STRN3: variants seen among roughly 807,000 people sequenced by gnomAD.
STRN3 encodes striatin 3.
Under a neutral mutation model 95.6 loss-of-function variants are expected in STRN3, and 29 were observed. The ratio of observed to expected loss-of-function variants is 0.30; its 90% CI spans 0.23 to 0.41. The LOEUF (loss-of-function observed/expected upper bound fraction) is 0.41. Ranked by LOEUF, STRN3 falls within the 10% of genes least tolerant of loss-of-function variation. The pLI, the probability that STRN3 is intolerant of heterozygous loss-of-function variation, is 1.00. For synonymous variants in STRN3, 331 were observed against 357.6 expected (o/e 0.93, Z 0.84); for missense variants, 890 against 972.1 (o/e 0.92, Z 1.12).
At chr14:30,898,455 A>C (rs764115631) in intron 16 of STRN3, among the ~76,000 whole-genome samples, 3 of 152,206 alleles carry the variant, frequency 2.0e-5, no homozygotes, top group Non-Finnish European at 4.4e-5. Flanking sequence ...CTGTGCACTA[A>C]ACTAACCCTC....
intron 8 of STRN3, among the ~76,000 whole-genome samples, chr14:30,925,459 G>A (rs1017601434): frequency 6.6e-6 from 1 of 152,080 alleles, no homozygotes; most frequent in Admixed American, 6.5e-5. Flanking sequence ...TTAGCAAATA[G>A]TTTTCTTCCC....
intron 1 of STRN3, among the ~76,000 whole-genome samples, chr14:30,989,168 T>C (rs2139253071): frequency 6.6e-6 from 1 of 152,316 alleles, no homozygotes; most frequent in Non-Finnish European, 1.5e-5. Flanking sequence ...TCAGTTACCT[T>C]ATTCTTTGGC....
chr14:30,958,171 G>T (rs1880013474), intron 1 of STRN3, among the ~76,000 whole-genome samples: 1 of 151,566 alleles, frequency 6.6e-6, no homozygotes, highest in Admixed American at 6.6e-5. Context: ...TAATTAGCCA[G>T]GCGTGGTAGC....
intron 1 of STRN3, among the ~76,000 whole-genome samples, chr14:30,984,262 A>T: frequency 1.4e-5 from 1 of 70,604 alleles, no homozygotes; most frequent in Non-Finnish European, 2.8e-5. Flanking sequence ...AGGATGAGGA[A>T]TTCTAAAAAA....
intron 1 of STRN3, among the ~76,000 whole-genome samples, chr14:30,984,143 C>A (rs1187520314): frequency 4.3e-5 from 6 of 138,832 alleles, no homozygotes; most frequent in East Asian, 2.2e-4. Context: ...CCCAACCCCC[C>A]CCCACACACA....
intron 1 of STRN3, among the ~76,000 whole-genome samples, chr14:31,013,161 G>C (rs1320001040): frequency 2.0e-5 from 3 of 151,828 alleles, no homozygotes; most frequent in Non-Finnish European, 4.4e-5. Flanking sequence ...CCAAACTTTG[G>C]AGGCTGAGGT....
At chr14:30,974,051 A>C (rs1301863760) in intron 1 of STRN3, among the ~76,000 whole-genome samples, 1 of 152,224 alleles carries the variant, frequency 6.6e-6, no homozygotes, top group Non-Finnish European at 1.5e-5. Context: ...TCAGGAACAA[A>C]GCAAGGAAAT....
chr14:30,996,387 T>C (rs750358925), intron 1 of STRN3, among the ~76,000 whole-genome samples: 2 of 152,204 alleles, frequency 1.3e-5, no homozygotes, highest in Non-Finnish European at 2.9e-5. Flanking sequence ...GAAGGGAATG[T>C]AGTAGCTGGC....
At position 30,929,967 on chromosome 14, in the gene STRN3, A is replaced by AACAAAAAAAAAAAAAAAAC. The variant is rs1555317335; in HGVS notation, c.989-657_989-656insGTTTTTTTTTTTTTTTTGT. Reference sequence around the variant, plus strand: ...AACTAAGATTAGCAAAAAAAAAAAAAAAAAAAAAAAAACTCAAATTCCACT... The same window carrying AACAAAAAAAAAAAAAAAAC: ...AACTAAGATTAGCAAAAAAAAAAAAAACAAAAAAAAAAAAAAAACAAAAAAAAAAAACTCAAATTCCACT... On this transcript the variant is annotated intron_variant, in intron 7 of 17. Transcript: ENST00000357479. Among the ~76,000 whole-genome samples, 29 of 91,204 alleles carry AACAAAAAAAAAAAAAAAAC rather than the reference A, an allele frequency of 3.2e-4. 1 individual carries two copies. The highest frequency in any genetic ancestry group is 7.7e-4 in the African/African-American group (20 of 26,054). 59.8% of individuals were successfully genotyped at this position (91,204 alleles called of 152,430 possible).
intron 9 of STRN3, among the ~76,000 whole-genome samples, chr14:30,916,749 G>A (rs1257862957): frequency 6.6e-6 from 1 of 151,988 alleles, no homozygotes; most frequent in Non-Finnish European, 1.5e-5. Flanking sequence ...ATTTAATGAT[G>A]GAAATTTAGG....
At chr14:30,987,999 G>A (rs750398579) in intron 1 of STRN3, among the ~76,000 whole-genome samples, 3 of 152,100 alleles carry the variant, frequency 2.0e-5, no homozygotes, top group African/African-American at 4.8e-5. Context: ...GCCTCCCAAC[G>A]TGCTGGGACT....
At chr14:30,969,494 A>G (rs1031561088) in intron 1 of STRN3, among the ~76,000 whole-genome samples, 1 of 152,192 alleles carries the variant, frequency 6.6e-6, no homozygotes, top group Non-Finnish European at 1.5e-5. Context: ...AAATTGGATA[A>G]ATATGTCTAC....
At chr14:30,956,867 T>C (rs923013705) in intron 1 of STRN3, among the ~76,000 whole-genome samples, 1 of 152,086 alleles carries the variant, frequency 6.6e-6, no homozygotes, top group Non-Finnish European at 1.5e-5. Flanking sequence ...TACTAGAAAA[T>C]TTATAATCTG....
chr14:30,973,500 G>A (rs542219928), intron 1 of STRN3, among the ~76,000 whole-genome samples: 1 of 152,196 alleles, frequency 6.6e-6, no homozygotes. Flanking sequence ...TCCCAACAAA[G>A]AAAAGCCCTG....
At chr14:30,964,540 A>T (rs192868514) in intron 1 of STRN3, 66 of 164,356 alleles carry the variant, frequency 4.0e-4, no homozygotes, top group Admixed American at 2.4e-3. Flanking sequence ...TGCATGTGGC[A>T]GCCCAAGGCT....
rs763199916 is a variant in STRN3, at chr14:30,947,048, C to T, written c.716+42G>A. The T allele has an allele frequency of 2.9e-6, 4 of 1,376,874 alleles. No homozygotes were observed. In the South Asian group the frequency reaches 6.4e-5, roughly 22 times the overall value. 85.3% of individuals were successfully genotyped at this position (1,376,874 alleles called of 1,614,324 possible). A position where few individuals can be genotyped will look rare whatever the true frequency, so the allele number is the denominator to read the frequency against. On this transcript the variant is annotated intron_variant, in intron 5 of 17. Coordinates refer to ENST00000357479, the MANE Select transcript of STRN3 (RefSeq NM_001083893.2). ...TAAAGAGATTAACAATAACAATATCCATAATATCCATTATATAAACTATGT... is the reference window on the plus strand; with the variant it reads ...TAAAGAGATTAACAATAACAATATCTATAATATCCATTATATAAACTATGT...
chr14:31,001,683 G>A (rs954556833), intron 1 of STRN3, among the ~76,000 whole-genome samples: 2 of 152,144 alleles, frequency 1.3e-5, no homozygotes, highest in African/African-American at 2.4e-5. Flanking sequence ...ATTTGTACAC[G>A]TTATGTTCAC....
chr14:30,935,047 G>A, intron 7 of STRN3, 116 bp downstream of exon 7: 1 of 1,344,908 alleles, frequency 7.4e-7, no homozygotes. Flanking sequence ...ACTTCCCCTT[G>A]CTCTCCGTTT....
chr14:31,013,664 G>C (rs1240453400), intron 1 of STRN3, among the ~76,000 whole-genome samples: 31 of 151,564 alleles, frequency 2.0e-4, no homozygotes, highest in Non-Finnish European at 1.5e-5. Context: ...TGTGATGATA[G>C]CTCATTACAA....
Sources: gnomAD v4.1 joint callset for allele counts (sites outside exome capture counted in the v4.1 genomes callset) on GRCh38, gnomAD v4.1.1 for gene constraint, MANE v1.5 for transcripts, NCBI Gene and HGNC (gene_info 2026-07-23, HGNC 2026-07-21) for gene names.